The following RAD51B variants were observed in gnomAD, a reference collection of about 807,000 sequenced individuals.
RAD51B encodes RAD51 paralog B.
RAD51B carries 38 observed loss-of-function variants against 42.2 expected under a neutral mutation model. That is an observed-to-expected ratio of 0.90 (90% CI 0.70 to 1.18). RAD51B has a LOEUF of 1.18. Among genes scored for constraint, RAD51B ranks in the 50% most tolerant of loss-of-function variants. RAD51B has a pLI of 0.00. For missense variants in RAD51B, 373 were observed against 400.7 expected, an observed-to-expected ratio of 0.93 and a Z score of 0.59; for synonymous variants, 154 against 145.2, an observed-to-expected ratio of 1.06 and a Z score of -0.43.
At chr14:68,030,182 A>G (rs2076019681) in intron 7 of RAD51B, among the ~76,000 whole-genome samples, 1 of 152,186 alleles carries the variant, frequency 6.6e-6, no homozygotes, top group Admixed American at 6.5e-5. Flanking sequence ...GTTTCAACTT[A>G]AAGTCACCAG....
chr14:67,935,110 T>G (rs1012515409), intron 7 of RAD51B, among the ~76,000 whole-genome samples: 8 of 152,228 alleles, frequency 5.3e-5, no homozygotes, highest in Non-Finnish European at 8.8e-5. Context: ...CAATAAATTT[T>G]GGTTAAATGA....
intron 10 of RAD51B, among the ~76,000 whole-genome samples, chr14:68,630,363 C>T (rs985869169): frequency 2.6e-5 from 4 of 152,070 alleles, no homozygotes; most frequent in Non-Finnish European, 2.9e-5. Flanking sequence ...GCAGCCCGCT[C>T]TTTCTCCCCC....
At chr14:68,073,453 G>A (rs149809661) in intron 7 of RAD51B, among the ~76,000 whole-genome samples, 13 of 152,152 alleles carry the variant, frequency 8.5e-5, no homozygotes, top group South Asian at 4.2e-4. Context: ...ACATTATAGC[G>A]TTAGGTCTTG....
At chr14:68,324,177 G>A (rs570159020) in intron 8 of RAD51B, among the ~76,000 whole-genome samples, 1 of 152,280 alleles carries the variant, frequency 6.6e-6, no homozygotes, top group South Asian at 2.1e-4. Context: ...TGCTGTTTGG[G>A]TGGTTCTCAA....
intron 8 of RAD51B, among the ~76,000 whole-genome samples, chr14:68,358,288 C>T (rs552093462): frequency 1.3e-5 from 2 of 152,312 alleles, no homozygotes; most frequent in South Asian, 2.1e-4. Flanking sequence ...GACTTGTCAA[C>T]GCGCTTGCCA....
At chr14:68,045,236 C>CAAAAAAAAAAAAAAAAA (rs537073885) in intron 7 of RAD51B, among the ~76,000 whole-genome samples, 1 of 22,080 alleles carries the variant, frequency 4.5e-5, no homozygotes, top group Non-Finnish European at 8.3e-5. Context: ...AACTCTGTCT[C>CAAAAAAAAAAAAAAAAA]AAAAAAAAAA....
chr14:68,357,740 C>CT (rs201526112), intron 8 of RAD51B, among the ~76,000 whole-genome samples: 4,574 of 152,202 alleles, frequency 0.03, 80 homozygotes, highest in East Asian at 0.049. Flanking sequence ...AAAGAGATCT[C>CT]TTTTTTTCTG....
intron 7 of RAD51B, among the ~76,000 whole-genome samples, chr14:68,090,253 A>G (rs2077068081): frequency 6.6e-6 from 1 of 152,160 alleles, no homozygotes; most frequent in Admixed American, 6.5e-5. Flanking sequence ...GGAACAGATT[A>G]CTATACTTAT....
intron 8 of RAD51B, among the ~76,000 whole-genome samples, chr14:68,316,685 A>G (rs565988945): frequency 1.3e-5 from 2 of 152,318 alleles, no homozygotes; most frequent in African/African-American, 4.8e-5. Flanking sequence ...GACCTGCCTG[A>G]ACACTCCCGC....
chr14:68,451,269 C>T (rs1594857596), intron 9 of RAD51B, among the ~76,000 whole-genome samples: 1 of 152,128 alleles, frequency 6.6e-6, no homozygotes, highest in East Asian at 1.9e-4. Flanking sequence ...GGTGCCTATA[C>T]CTGTTTCTTG....
chr14:68,258,738 C>T (rs1447221448), intron 7 of RAD51B, among the ~76,000 whole-genome samples: 1 of 152,086 alleles, frequency 6.6e-6, no homozygotes, highest in African/African-American at 2.4e-5. Flanking sequence ...AGGTCATGAC[C>T]ATCCCCATGA....
intron 10 of RAD51B, among the ~76,000 whole-genome samples, chr14:68,545,094 C>T (rs1231646734): frequency 2.6e-5 from 4 of 152,192 alleles, no homozygotes; most frequent in African/African-American, 9.7e-5. Context: ...ACAGGCTTAG[C>T]CCTAGAACCA....
At chr14:68,583,840 A>T (rs1890324666) in intron 10 of RAD51B, among the ~76,000 whole-genome samples, 1 of 152,198 alleles carries the variant, frequency 6.6e-6, no homozygotes, top group African/African-American at 2.4e-5. Flanking sequence ...GCACTGTCCA[A>T]CGTCCAGCAG....
chr14:67,984,294 A>G (rs1043727378), intron 7 of RAD51B, among the ~76,000 whole-genome samples: 3 of 152,192 alleles, frequency 2.0e-5, no homozygotes, highest in Non-Finnish European at 4.4e-5. Flanking sequence ...TCAATTTCTG[A>G]TGAGTAATCT....
chr14:68,235,220 A>T (rs2080223176), intron 7 of RAD51B, among the ~76,000 whole-genome samples: 1 of 152,044 alleles, frequency 6.6e-6, no homozygotes, highest in Non-Finnish European at 1.5e-5. Flanking sequence ...CAACCACGTG[A>T]GTAATATCTT....
intron 8 of RAD51B, among the ~76,000 whole-genome samples, chr14:68,397,630 G>A (rs1230562914): frequency 6.6e-6 from 1 of 152,214 alleles, no homozygotes; most frequent in Non-Finnish European, 1.5e-5. Flanking sequence ...GCCCCAGTTT[G>A]TGGTGAGCCT....
At chr14:67,886,414 G>A (rs1341894403) in intron 6 of RAD51B, among the ~76,000 whole-genome samples, 4 of 152,144 alleles carry the variant, frequency 2.6e-5, no homozygotes, top group African/African-American at 4.8e-5. Context: ...TGGAGCTGGA[G>A]TACCTGCTTC....
intron 8 of RAD51B, among the ~76,000 whole-genome samples, chr14:68,370,440 T>C (rs1266785515): frequency 6.6e-6 from 1 of 152,184 alleles, no homozygotes; most frequent in Non-Finnish European, 1.5e-5. Flanking sequence ...AGGGCTAGGG[T>C]ATGTAAAACT....
chr14:68,626,290 T>C (rs147167134), intron 10 of RAD51B, among the ~76,000 whole-genome samples: 311 of 152,286 alleles, frequency 2.0e-3, no homozygotes, highest in African/African-American at 7.3e-3. Flanking sequence ...TCCTGATAAA[T>C]AAAGCCTTTC....
Sources: allele counts gnomAD v4.1 joint callset (sites outside exome capture counted in the v4.1 genomes callset), GRCh38; gene constraint gnomAD v4.1.1; transcripts MANE v1.5; gene names NCBI Gene and HGNC (gene_info 2026-07-23, HGNC 2026-07-21).